Variants in OPTN observed in about 807,000 individuals in gnomAD.
OPTN encodes E3-14.7K-interacting protein.
OPTN carries 54 observed loss-of-function variants against 70.4 expected under a neutral mutation model. That is an observed-to-expected ratio of 0.77 (90% CI 0.62 to 0.96). The LOEUF is 0.96. OPTN is among the 40% of genes least tolerant of loss of function. The pLI is 0.00. For synonymous variants in OPTN, 256 were observed against 248.5 expected (o/e 1.03, Z -0.28); for missense variants, 624 against 673.2 (o/e 0.93, Z 0.81).
At chr10:13,127,981 G>C in intron 12 of OPTN, 78 bp downstream of exon 12, 1 of 1,487,462 alleles carries the variant, frequency 6.7e-7, no homozygotes, top group Non-Finnish European at 9.4e-7. Flanking sequence ...ATGGTGTTTA[G>C]AATGTTTGTA....
chr10:13,118,071 C>T (rs1160955096), intron 6 of OPTN, among the ~76,000 whole-genome samples: 1 of 152,152 alleles, frequency 6.6e-6, no homozygotes, highest in South Asian at 2.1e-4. Context: ...ATGCAAAGAC[C>T]GCTTCCTCTT....
chr10:13,117,111 T>C (rs1264916331), intron 6 of OPTN, among the ~76,000 whole-genome samples: 3 of 145,432 alleles, frequency 2.1e-5, no homozygotes, highest in African/African-American at 5.2e-5. Flanking sequence ...GACGGAATCT[T>C]GTTCTGTTGC....
intron 4 of OPTN, among the ~76,000 whole-genome samples, chr10:13,111,653 G>A (rs778454879): frequency 1.3e-4 from 20 of 151,704 alleles, no homozygotes; most frequent in Non-Finnish European, 2.4e-4. Context: ...AGCTGAGATC[G>A]CGCCATTGCA....
At chr10:13,135,283 G>C (rs113365968) in intron 14 of OPTN, among the ~76,000 whole-genome samples, 1 of 152,094 alleles carries the variant, frequency 6.6e-6, no homozygotes, top group Non-Finnish European at 1.5e-5. Flanking sequence ...ATGGATCCAG[G>C]ACCTAGCTAG....
intron 1 of OPTN, among the ~76,000 whole-genome samples, chr10:13,105,838 G>A (rs1311896786): frequency 6.6e-6 from 1 of 151,958 alleles, no homozygotes; most frequent in Non-Finnish European, 1.5e-5. Context: ...GAATCTGAAA[G>A]GCAGAGGTTG....
chr10:13,115,527 A>G lies in OPTN; in HGVS notation c.553-740A>G, dbSNP rs11258209. Reference sequence around the variant, plus strand: ...TAGAATATATATAATATATTCTATAATATATAATATAGAATATATTATACA... The same window carrying G: ...TAGAATATATATAATATATTCTATAGTATATAATATAGAATATATTATACA... On this transcript the variant is annotated intron_variant, in intron 5 of 14. Transcript: ENST00000378747. 5.5e-3 allele frequency among the ~76,000 whole-genome samples: 386 copies of G among 70,650 alleles called. 18 individuals carry two copies. Among genetic ancestry groups the G allele is most frequent in the African/African-American group, 0.021 (367 of 17,836 alleles). 46.3% of individuals were successfully genotyped at this position (70,650 alleles called of 152,430 possible).
chr10:13,119,981 C>CTTTTTTTTTTT, intron 7 of OPTN, among the ~76,000 whole-genome samples: 1 of 117,648 alleles, frequency 8.5e-6, no homozygotes, highest in Non-Finnish European at 1.8e-5. Flanking sequence ...TATTTTCTTT[C>CTTTTTTTTTTT]TTTTTTTTTT....
intron 14 of OPTN, among the ~76,000 whole-genome samples, chr10:13,136,201 T>C (rs7078784): frequency 2.6e-5 from 4 of 151,228 alleles, no homozygotes; most frequent in Non-Finnish European, 4.4e-5. Context: ...GAAAAAAAAG[T>C]AAAGAAAAGA....
intron 13 of OPTN, among the ~76,000 whole-genome samples, chr10:13,132,866 C>CT (rs913356415): frequency 6.6e-6 from 1 of 152,106 alleles, no homozygotes; most frequent in African/African-American, 2.4e-5. Context: ...ACAGACTCTA[C>CT]TATGTACTCC....
intron 12 of OPTN, 47 bp from the exon 13 acceptor site, chr10:13,132,020 T>A (rs2131528059): frequency 6.3e-7 from 1 of 1,591,590 alleles, no homozygotes; most frequent in East Asian, 2.3e-5. Context: ...TGTAAGAATC[T>A]GCATTCATCT....
chr10:13,106,647 C>T (rs1406834979), intron 1 of OPTN, among the ~76,000 whole-genome samples: 1 of 152,226 alleles, frequency 6.6e-6, no homozygotes, highest in Non-Finnish European at 1.5e-5. Flanking sequence ...CTACAAGTTC[C>T]TCACACCAAA....
At chr10:13,130,843 C>T (rs1389510363) in intron 12 of OPTN, among the ~76,000 whole-genome samples, 1 of 152,082 alleles carries the variant, frequency 6.6e-6, no homozygotes. Context: ...AATTAGCTGA[C>T]AGCATTAAAT....
At chr10:13,104,068 C>T (rs1158867635) in intron 1 of OPTN, among the ~76,000 whole-genome samples, 1 of 151,812 alleles carries the variant, frequency 6.6e-6, no homozygotes, top group African/African-American at 2.4e-5. Flanking sequence ...TCTGTCTTTC[C>T]TCAGTTGAAT....
At chr10:13,102,900 G>A (rs1412647495) in intron 1 of OPTN, among the ~76,000 whole-genome samples, 1 of 151,840 alleles carries the variant, frequency 6.6e-6, no homozygotes, top group Non-Finnish European at 1.5e-5. Flanking sequence ...CTGAGATTTT[G>A]CCACGGCACT....
intron 3 of OPTN, 138 bp from the exon 4 acceptor site, chr10:13,110,136 G>C: frequency 6.7e-7 from 1 of 1,494,614 alleles, no homozygotes; most frequent in Non-Finnish European, 9.0e-7. Context: ...TCTTTTTGCT[G>C]CTGACCCTTG....
chr10:13,127,660 A>T (rs1005235950), intron 11 of OPTN, 85 bp from the exon 12 acceptor site: 18 of 1,445,920 alleles, frequency 1.2e-5, no homozygotes, highest in East Asian at 7.4e-5. Context: ...GCTGATAATT[A>T]AAAAAATAAA....
intron 5 of OPTN, 59 bp downstream of exon 5, chr10:13,112,694 G>A: frequency 6.6e-7 from 1 of 1,508,838 alleles, no homozygotes; most frequent in Non-Finnish European, 9.2e-7. Flanking sequence ...CTGGAAAGAT[G>A]AAACAAATAC....
Position 13,125,551 on chromosome 10 carries a change from A to G in OPTN, c.1132A>G (p.Lys378Glu). The change falls in exon 10 of 15, where the codon AAA (lysine) becomes GAA (glutamate). Residue 378 changes from lysine to glutamate, a missense_variant. Physicochemically the swap from Lys to Glu is moderately conservative, Grantham distance 56 (BLOSUM62 1). Transcript: ENST00000378747. The stretch of plus-strand genomic sequence containing the variant: ...ATCAGAAATCAAAATGGAACAGGCT[A>G]AAACAGAGGATGAAAAGTGAGTATG... ...MLSEIKMEQA[K>E]TEDEKSKLTV... The G allele has an allele frequency of 1.9e-6, 3 of 1,614,206 alleles. No homozygotes were observed. The highest frequency in any genetic ancestry group is 1.6e-4 in the Middle Eastern group (1 of 6,062).
At position 13,137,309 on chromosome 10, in the gene OPTN, AGAAG is replaced by A; in HGVS notation, c.*454_*457del. On this transcript the variant is annotated 3_prime_UTR_variant, in exon 15 of 15. Coordinates refer to ENST00000378747, the MANE Select transcript of OPTN (RefSeq NM_001008212.2). The stretch of plus-strand genomic sequence containing the variant: ...AAAGAAAGAAAAAAAGGAAGGAAGG[AGAAG>A]GAAGGAAGGAGAAGAAAAGGTACCT... 3 of 322,984 alleles carry A rather than the reference AGAAG, an allele frequency of 9.3e-6. No homozygotes were observed. The highest frequency in any genetic ancestry group is 4.9e-5 in the South Asian group (1 of 20,386). 20.0% of individuals were successfully genotyped at this position (322,984 alleles called of 1,614,324 possible).
Sources: allele counts gnomAD v4.1 joint callset (sites outside exome capture counted in the v4.1 genomes callset), GRCh38; gene constraint gnomAD v4.1.1; transcripts MANE v1.5; gene names NCBI Gene and HGNC (gene_info 2026-07-23, HGNC 2026-07-21).